The following TLN2 variants were observed in gnomAD, a reference collection of about 807,000 sequenced individuals.
TLN2 encodes the protein talin-2.
A neutral mutation model predicts 294.7 loss-of-function variants in TLN2; 118 were observed. That is an observed-to-expected ratio of 0.40 (90% CI 0.34 to 0.47). The LOEUF is 0.47. Ranked by LOEUF, TLN2 falls within the 20% of genes least tolerant of loss-of-function variation. The probability of loss-of-function intolerance (pLI) is 0.84; values close to 1 mark genes in which losing one functional copy is unlikely to be tolerated. For missense variants in TLN2, 3,083 were observed against 3,282.2 expected, an observed-to-expected ratio of 0.94 and a Z score of 1.48; for synonymous variants, 1,431 against 1,304.5, an observed-to-expected ratio of 1.10 and a Z score of -2.09.
At chr15:62,600,487 C>A (rs547139052) in intron 2 of TLN2, among the ~76,000 whole-genome samples, 24 of 152,176 alleles carry the variant, frequency 1.6e-4, no homozygotes, top group Admixed American at 2.6e-4. Context: ...GTTTAAGGAC[C>A]ATGTTTTCAA....
chr15:62,645,158 C>T (rs1194027760), intron 3 of TLN2: 2 of 153,480 alleles, frequency 1.3e-5, no homozygotes. Flanking sequence ...TTTTATTTCC[C>T]CCAATCGGGG....
chr15:62,687,075 A>T (rs986182740), intron 12 of TLN2, among the ~76,000 whole-genome samples: 12 of 152,204 alleles, frequency 7.9e-5, no homozygotes, highest in African/African-American at 2.2e-4. Flanking sequence ...CACCCAGATG[A>T]TTCTCAGTTC....
chr15:62,532,728 G>C (rs1339093422), intron 1 of TLN2, among the ~76,000 whole-genome samples: 1 of 152,110 alleles, frequency 6.6e-6, no homozygotes, highest in East Asian at 1.9e-4. Context: ...TGTTGAAAGG[G>C]CCTCAGCTAT....
At chr15:62,809,262 A>G (rs921686574) in intron 51 of TLN2, among the ~76,000 whole-genome samples, 6 of 152,216 alleles carry the variant, frequency 3.9e-5, no homozygotes, top group African/African-American at 1.4e-4. Context: ...GTAATCATGA[A>G]TGACTCAAGT....
At chr15:62,584,652 A>C (rs1409489329) in intron 1 of TLN2, among the ~76,000 whole-genome samples, 3 of 152,194 alleles carry the variant, frequency 2.0e-5, no homozygotes, top group African/African-American at 7.2e-5. Context: ...CTACACTTCA[A>C]ATTATAGCAT....
intron 6 of TLN2, among the ~76,000 whole-genome samples, chr15:62,652,923 G>A (rs2052761202): frequency 2.0e-5 from 3 of 151,788 alleles, no homozygotes; most frequent in Non-Finnish European, 2.9e-5. Context: ...TTAAAAATTC[G>A]TTTTTGAAAA....
At chr15:62,656,437 G>C (rs4594205) in intron 8 of TLN2, among the ~76,000 whole-genome samples, 6,807 of 152,258 alleles carry the variant, frequency 0.045, 218 homozygotes, top group African/African-American at 0.076. Flanking sequence ...GAATGCAAGA[G>C]AATGTTGGTC....
rs2037553738 is a variant in TLN2, at chr15:62,472,775, A to G, written c.-238+82090A>G. On this transcript the variant is annotated intron_variant, in intron 1 of 58. Coordinates refer to ENST00000636159, the MANE Select transcript of TLN2 (RefSeq NM_015059.3). The stretch of plus-strand genomic sequence containing the variant: ...GATCATGCCCCTATAGCCTTTACCT[A>G]TTTCTCCGACCGACGGATGACTTGA... Among the ~76,000 whole-genome samples, 5 of 152,096 alleles carry G rather than the reference A, an allele frequency of 3.3e-5. No homozygotes were observed. In the South Asian group the frequency reaches 1.0e-3, roughly 32 times the overall value.
At chr15:62,616,866 AAAT>A (rs923951299) in intron 2 of TLN2, among the ~76,000 whole-genome samples, 8 of 152,314 alleles carry the variant, frequency 5.3e-5, no homozygotes, top group African/African-American at 1.7e-4. Flanking sequence ...AGCACTTGAT[AAAT>A]AATAATTACT....
At chr15:62,530,689 G>A (rs1486757590) in intron 1 of TLN2, among the ~76,000 whole-genome samples, 1 of 152,190 alleles carries the variant, frequency 6.6e-6, no homozygotes, top group Non-Finnish European at 1.5e-5. Flanking sequence ...GATAGGCATT[G>A]CCTAATTTTT....
At chr15:62,456,471 C>T (rs981828495) in intron 1 of TLN2, among the ~76,000 whole-genome samples, 1 of 152,158 alleles carries the variant, frequency 6.6e-6, no homozygotes, top group East Asian at 1.9e-4. Context: ...CTTGTGCAGG[C>T]GACTTTGAAT....
At chr15:62,643,491 TAAAAA>T (rs1325972638) in intron 3 of TLN2, among the ~76,000 whole-genome samples, 1 of 143,322 alleles carries the variant, frequency 7.0e-6, no homozygotes, top group East Asian at 2.0e-4. Flanking sequence ...TTTTGGGTGA[TAAAAA>T]AAAAGTTGAG....
intron 1 of TLN2, among the ~76,000 whole-genome samples, chr15:62,406,921 C>T (rs2033441866): frequency 6.6e-6 from 1 of 152,162 alleles, no homozygotes; most frequent in Non-Finnish European, 1.5e-5. Context: ...CAAATAAGGT[C>T]CCATTCTGAG....
intron 1 of TLN2, among the ~76,000 whole-genome samples, chr15:62,403,962 T>C (rs1370497280): frequency 6.6e-6 from 1 of 152,230 alleles, no homozygotes; most frequent in East Asian, 1.9e-4. Flanking sequence ...TCTCTGCCGC[T>C]GTATCCCCAA....
intron 37 of TLN2, among the ~76,000 whole-genome samples, chr15:62,757,262 C>G (rs2062332844): frequency 6.6e-6 from 1 of 152,172 alleles, no homozygotes; most frequent in Non-Finnish European, 1.5e-5. Context: ...GCATGCTGTT[C>G]ACCTCTTTGG....
intron 3 of TLN2, among the ~76,000 whole-genome samples, chr15:62,629,559 C>G: frequency 6.6e-6 from 1 of 152,030 alleles, no homozygotes. Flanking sequence ...GTGCTTTTCC[C>G]CCAAATGAGG....
chr15:62,492,306 C>G (rs1044660784), intron 1 of TLN2, among the ~76,000 whole-genome samples: 2 of 151,734 alleles, frequency 1.3e-5, no homozygotes, highest in Non-Finnish European at 2.9e-5. Context: ...TGCCTATAAT[C>G]CCAGCACTTT....
intron 1 of TLN2, among the ~76,000 whole-genome samples, chr15:62,521,924 A>G (rs901757914): frequency 2.6e-5 from 4 of 152,184 alleles, no homozygotes; most frequent in African/African-American, 7.2e-5. Context: ...GGAATTTGGT[A>G]TCTTATTGCC....
chr15:62,781,501 G>A (rs865980557), intron 44 of TLN2, among the ~76,000 whole-genome samples: 1 of 152,190 alleles, frequency 6.6e-6, no homozygotes, highest in Non-Finnish European at 1.5e-5. Flanking sequence ...TGAGGACAGA[G>A]GAGCAAAGGA....
Sources: allele counts gnomAD v4.1 joint callset (sites outside exome capture counted in the v4.1 genomes callset), GRCh38; gene constraint gnomAD v4.1.1; transcripts MANE v1.5; gene names NCBI Gene and HGNC (gene_info 2026-07-23, HGNC 2026-07-21).